BBS2: variants seen among roughly 807,000 people sequenced by gnomAD.
BBS2 encodes the protein BBSome complex member BBS2.
A neutral mutation model predicts 83.0 loss-of-function variants in BBS2; 62 were observed. That is an observed-to-expected ratio of 0.75 (90% CI 0.61 to 0.92). The LOEUF (loss-of-function observed/expected upper bound fraction) is 0.92. Among genes scored for constraint, BBS2 ranks in the 40% least tolerant of loss-of-function variants. The probability of loss-of-function intolerance (pLI) is 0.00; values close to 1 mark genes in which losing one functional copy is unlikely to be tolerated. For synonymous variants in BBS2, 303 were observed against 326.1 expected (o/e 0.93, Z 0.76); for missense variants, 784 against 901.0 (o/e 0.87, Z 1.66).
chr16:56,481,332 T>C (rs915083027), downstream of BBS2, among the ~76,000 whole-genome samples: 1 of 152,048 alleles, frequency 6.6e-6, no homozygotes, highest in Non-Finnish European at 1.5e-5. Flanking sequence ...CTGGTTAAGA[T>C]GCAGACACCA....
intron 7 of BBS2, among the ~76,000 whole-genome samples, chr16:56,503,365 T>C (rs1361821939): frequency 6.6e-6 from 1 of 152,202 alleles, no homozygotes; most frequent in African/African-American, 2.4e-5. Context: ...TATATAAAAA[T>C]TGTATCTTTA....
At chr16:56,513,107 A>C (rs1257254917) in intron 2 of BBS2, among the ~76,000 whole-genome samples, 1 of 152,180 alleles carries the variant, frequency 6.6e-6, no homozygotes, top group Non-Finnish European at 1.5e-5. Context: ...AGCCATGATC[A>C]TGCCACTGCA....
intron 17 of BBS2, among the ~76,000 whole-genome samples, chr16:56,472,967 T>G (rs1187298931): frequency 6.6e-6 from 1 of 152,204 alleles, no homozygotes; most frequent in Non-Finnish European, 1.5e-5. Flanking sequence ...AGTCTCGCTC[T>G]GTTGCCAGGC....
Position 56,519,774 on chromosome 16 carries a change from C to G in BBS2, c.89G>C (p.Cys30Ser). ...GCCCGTTTGGGTGGCGGCCGCCAGG[C>G]ACGGGTGAGTCCCGTCGTAGCGCCC... ...AIGRYDGTHP[C>S]LAAATQTGKV... is the part of the protein sequence containing the mutation. The change falls in exon 1 of 17, where the codon TGC becomes TCC. Residue 30 changes from cysteine (C) to serine (S), a missense_variant. By Grantham distance (112) the Cys-to-Ser change is moderately radical (BLOSUM62 -1). Transcript: ENST00000245157. 6.2e-7 allele frequency: 1 copy of G among 1,613,562 alleles called. No individual in the cohort carries two copies. Among genetic ancestry groups the G allele is most frequent in the Non-Finnish European group, 8.5e-7 (1 of 1,179,722 alleles).
chr16:56,489,757 G>A (rs1404957195), intron 15 of BBS2, among the ~76,000 whole-genome samples: 3 of 151,570 alleles, frequency 2.0e-5, no homozygotes, highest in African/African-American at 4.9e-5. Context: ...CCAAGATAGC[G>A]CCATTGCACT....
At chr16:56,476,081 T>C in intron 17 of BBS2, 1 of 1,613,290 alleles carries the variant, frequency 6.2e-7, no homozygotes, top group Non-Finnish European at 8.5e-7. Context: ...TCTTTGGCAT[T>C]GGTCTACAGA....
At chr16:56,499,089 G>C (rs894089329) in intron 12 of BBS2, 6 of 197,996 alleles carry the variant, frequency 3.0e-5, no homozygotes, top group South Asian at 1.7e-4. Context: ...GCAGTGGCTT[G>C]CAACACAGGT....
At chr16:56,517,129 C>T (rs570116558) in intron 1 of BBS2, among the ~76,000 whole-genome samples, 4 of 152,260 alleles carry the variant, frequency 2.6e-5, no homozygotes, top group South Asian at 2.1e-4. Flanking sequence ...GCTTCTACTC[C>T]GACACCTACC....
chr16:56,482,388 T>TG (rs1438953266), downstream of BBS2, among the ~76,000 whole-genome samples: 1 of 152,064 alleles, frequency 6.6e-6, no homozygotes, highest in Middle Eastern at 3.2e-3. Context: ...GTTTTGGAGA[T>TG]GGAGTCTCCC....
intron 16 of BBS2, among the ~76,000 whole-genome samples, chr16:56,485,073 C>T (rs1488760136): frequency 5.3e-5 from 8 of 152,126 alleles, no homozygotes; most frequent in Admixed American, 5.2e-4. Context: ...TAGAAACCAA[C>T]AGTCAGTTTT....
At chr16:56,473,222 G>T (rs776716584) in intron 17 of BBS2, among the ~76,000 whole-genome samples, 5 of 152,062 alleles carry the variant, frequency 3.3e-5, no homozygotes, top group Non-Finnish European at 7.4e-5. Flanking sequence ...GAGCCACCAC[G>T]CCTGGCCACC....
chr16:56,515,734 C>T (rs1283849692), intron 1 of BBS2, among the ~76,000 whole-genome samples: 2 of 152,208 alleles, frequency 1.3e-5, no homozygotes, highest in East Asian at 3.8e-4. Context: ...AGAAAACGTG[C>T]AGCCACTGAA....
chr16:56,484,999 C>T, intron 16 of BBS2, 132 bp from the exon 17 acceptor site: 1 of 733,230 alleles, frequency 1.4e-6, no homozygotes. Context: ...TCTTACCATT[C>T]CCTAAAAAAA....
chr16:56,498,411 C>A lies in BBS2; in HGVS notation c.1659+26G>T, dbSNP rs753079813. ...GAATAAATAAATTCAAAAAAGAAAT[C>A]TATGCCCCGTGATATTAAACATTAC... is the stretch of plus-strand genomic sequence containing the variant. On this transcript the variant is annotated intron_variant, in intron 13 of 16. Transcript: ENST00000245157. The A allele has an allele frequency of 3.7e-6, 6 of 1,613,232 alleles. No homozygotes were observed. The South Asian group carries it at 6.6e-5, about 18-fold the overall frequency.
At chr16:56,502,193 C>G (rs1964294498) in intron 9 of BBS2, 124 bp downstream of exon 9, 1 of 1,321,908 alleles carries the variant, frequency 7.6e-7, no homozygotes, top group Non-Finnish European at 1.1e-6. Context: ...CCTCTCAATT[C>G]TGACAATGGC....
At position 56,484,600 on chromosome 16, in the gene BBS2, C is replaced by T. The variant is rs1963723417; in HGVS notation, c.*161G>A. 2 of 639,278 alleles carry T rather than the reference C, an allele frequency of 3.1e-6. No individual in the cohort carries two copies. The highest frequency in any genetic ancestry group is 1.7e-5 in the South Asian group (1 of 58,446). The allele number at this position is 639,278 out of a possible 1,614,324, so 39.6% of individuals were successfully genotyped here. ...ACTGATTTAAAAATAGAAAGCAAGTCTATCTTCACATGTAGTTCTTTGTCT... is the reference window on the plus strand; with the variant it reads ...ACTGATTTAAAAATAGAAAGCAAGTTTATCTTCACATGTAGTTCTTTGTCT... On this transcript the variant is annotated 3_prime_UTR_variant, in exon 17 of 17. Transcript: ENST00000245157.
intron 1 of BBS2, among the ~76,000 whole-genome samples, chr16:56,519,254 C>G (rs967364738): frequency 2.6e-5 from 4 of 151,072 alleles, no homozygotes; most frequent in Non-Finnish European, 4.4e-5. Flanking sequence ...TTGCAGGAAC[C>G]CGGGAGGCGG....
Position 56,502,344 on chromosome 16 carries a change from T to C in BBS2, c.1053A>G (p.Glu351=). 6 of 1,614,230 alleles carry C rather than the reference T, an allele frequency of 3.7e-6. No homozygotes were observed. The highest frequency in any genetic ancestry group is 5.1e-6 in the Non-Finnish European group (6 of 1,180,030). ...TGGCATTTTCCTCATAGTTACGGAGTTCCAGCAACAGATTCTGCTTCTTCT... is the reference window on the plus strand; with the variant it reads ...TGGCATTTTCCTCATAGTTACGGAGCTCCAGCAACAGATTCTGCTTCTTCT... The part of the protein sequence containing the change: ...LSQKKQNLLL[E]LRNYEENAKA... Residue 351 remains glutamate (E), a synonymous_variant, in exon 9 of 17, where the codon GAA becomes GAG. Transcript: ENST00000245157.
chr16:56,516,022 C>T (rs1261840261), intron 1 of BBS2: 1 of 152,218 alleles, frequency 6.6e-6, no homozygotes, highest in Non-Finnish European at 1.5e-5. Flanking sequence ...TGAGAAAGTA[C>T]AGGAGCAGAA....
Sources: gnomAD v4.1 joint callset for allele counts (sites outside exome capture counted in the v4.1 genomes callset) on GRCh38, gnomAD v4.1.1 for gene constraint, MANE v1.5 for transcripts, NCBI Gene and HGNC (gene_info 2026-07-23, HGNC 2026-07-21) for gene names.